Variants in TRPM1 observed in about 807,000 individuals in gnomAD.
TRPM1 encodes transient receptor potential cation channel subfamily M member 1, also known as TRPM1-203 APA Isoform, Intron 10.
A neutral mutation model predicts 149.4 loss-of-function variants in TRPM1; 113 were observed. The observed-to-expected ratio is 0.76, with a 90% confidence interval of 0.65 to 0.88. The LOEUF (loss-of-function observed/expected upper bound fraction) is 0.88. TRPM1 is among the 40% of genes least tolerant of loss of function. The probability of loss-of-function intolerance (pLI) is 0.00; values close to 1 mark genes in which losing one functional copy is unlikely to be tolerated. For synonymous variants in TRPM1, 741 were observed against 759.5 expected, an observed-to-expected ratio of 0.98 and a Z score of 0.40; for missense variants, 1,976 against 2,038.7, an observed-to-expected ratio of 0.97 and a Z score of 0.59.
chr15:31,019,424 G>A (rs938509367), intron 27 of TRPM1, among the ~76,000 whole-genome samples: 1 of 152,136 alleles, frequency 6.6e-6, no homozygotes, highest in African/African-American at 2.4e-5. Context: ...GTTTTTGAGA[G>A]GGAGTCTCTG....
chr15:31,069,819 A>G (rs2140966466), intron 4 of TRPM1: 3 of 1,505,644 alleles, frequency 2.0e-6, no homozygotes, highest in Non-Finnish European at 2.6e-6. Flanking sequence ...GATTTACGGG[A>G]CACTAGATGT....
chr15:31,157,954 G>A (rs760967948), intron 1 of TRPM1, among the ~76,000 whole-genome samples: 1 of 152,072 alleles, frequency 6.6e-6, no homozygotes, highest in African/African-American at 2.4e-5. Context: ...TTAGGAAACC[G>A]GGAACCGACA....
intron 1 of TRPM1, 112 bp from the exon 2 acceptor site, chr15:31,081,550 C>T (rs1421718155): frequency 2.9e-6 from 2 of 692,640 alleles, no homozygotes; most frequent in Non-Finnish European, 4.8e-6. Flanking sequence ...TCTAATGTGG[C>T]CTCTTCACCA....
At chr15:31,082,978 G>A (rs973462353) in intron 1 of TRPM1, among the ~76,000 whole-genome samples, 1 of 152,040 alleles carries the variant, frequency 6.6e-6, no homozygotes, top group African/African-American at 2.4e-5. Context: ...CACAGGTGGG[G>A]GCGACCCACA....
intron 3 of TRPM1, 116 bp downstream of exon 3, chr15:31,076,789 T>G: frequency 1.2e-6 from 1 of 822,370 alleles, no homozygotes; most frequent in South Asian, 1.4e-5. Flanking sequence ...GTGACTCCCA[T>G]GGGGAATGGA....
At chr15:31,125,319 T>C (rs2035933526) in intron 1 of TRPM1, among the ~76,000 whole-genome samples, 1 of 152,220 alleles carries the variant, frequency 6.6e-6, no homozygotes, top group East Asian at 1.9e-4. Context: ...CCGTGCAAGA[T>C]GTTGCTAACT....
chr15:31,021,994 T>C (rs2032566636), intron 27 of TRPM1, among the ~76,000 whole-genome samples: 1 of 152,162 alleles, frequency 6.6e-6, no homozygotes, highest in Non-Finnish European at 1.5e-5. Context: ...CAAAATCCTA[T>C]AGTAATATAT....
At chr15:31,033,033 A>T in intron 21 of TRPM1, 93 bp from the exon 22 acceptor site, 1 of 1,561,430 alleles carries the variant, frequency 6.4e-7, no homozygotes, top group Non-Finnish European at 8.8e-7. Context: ...GGAACATTCC[A>T]GGTCATCTGG....
At chr15:31,122,539 T>C (rs2035894445) in intron 1 of TRPM1, among the ~76,000 whole-genome samples, 2 of 152,140 alleles carry the variant, frequency 1.3e-5, no homozygotes, top group African/African-American at 4.8e-5. Flanking sequence ...ATATATCAGA[T>C]ATGAACAACT....
At chr15:31,091,594 G>C (rs1297499578) in intron 1 of TRPM1, among the ~76,000 whole-genome samples, 1 of 152,270 alleles carries the variant, frequency 6.6e-6, no homozygotes, top group East Asian at 1.9e-4. Flanking sequence ...CTGGGAGGCT[G>C]ACCGGGTGGG....
At chr15:31,024,596 G>T (rs548437154) in intron 27 of TRPM1, among the ~76,000 whole-genome samples, 31 of 152,276 alleles carry the variant, frequency 2.0e-4, no homozygotes, top group Admixed American at 3.3e-4. Context: ...CAATTTGGTA[G>T]TGACCTGATA....
chr15:31,071,235 A>G (rs2034527993), intron 3 of TRPM1, among the ~76,000 whole-genome samples: 1 of 152,196 alleles, frequency 6.6e-6, no homozygotes, highest in Non-Finnish European at 1.5e-5. Context: ...GCCTGGAGTG[A>G]TGCCTTGGTG....
chr15:31,080,848 A>G (rs2034839359), intron 2 of TRPM1, among the ~76,000 whole-genome samples: 1 of 151,790 alleles, frequency 6.6e-6, no homozygotes, highest in Admixed American at 6.6e-5. Context: ...CTGTGCCAGC[A>G]CAGCGTGGGG....
intron 1 of TRPM1, among the ~76,000 whole-genome samples, chr15:31,153,241 G>A (rs1158464574): frequency 6.6e-6 from 1 of 152,154 alleles, no homozygotes; most frequent in Non-Finnish European, 1.5e-5. Context: ...TCTCTCTGAA[G>A]CTGTCCACCT....
intron 1 of TRPM1, among the ~76,000 whole-genome samples, chr15:31,089,595 G>C (rs1210976731): frequency 6.6e-6 from 1 of 152,198 alleles, no homozygotes; most frequent in Non-Finnish European, 1.5e-5. Context: ...AACTCGAGGA[G>C]GCCCAGGGTC....
rs2031840003 is a variant in TRPM1 at position 31,002,865 on chromosome 15, ACG to A, written c.3833_3834del (p.Thr1278IlefsTer10). On this transcript the variant is annotated frameshift_variant, in exon 28 of 28. Transcript: ENST00000256552. LOFTEE classifies it low-confidence loss of function (END_TRUNC). ...RSRASSECEA[T>X]YLLRQSSINS... The stretch of plus-strand genomic sequence containing the variant: ...TTGATGCTGCTTTGCCGGAGAAGAT[ACG>A]TTGCCTCACATTCAGAAGAAGCCCG... The A allele has an allele frequency of 6.2e-7, 1 of 1,614,218 alleles. No homozygotes were observed. Among genetic ancestry groups the A allele is most frequent in the South Asian group, 1.1e-5 (1 of 91,088 alleles).
At chr15:31,085,424 A>C (rs1382042578) in intron 1 of TRPM1, among the ~76,000 whole-genome samples, 4 of 152,268 alleles carry the variant, frequency 2.6e-5, no homozygotes, top group Non-Finnish European at 5.9e-5. Context: ...AATTAAGAGC[A>C]ATAAAAAGAT....
chr15:31,033,018 C>T, intron 21 of TRPM1, 78 bp from the exon 22 acceptor site: 1 of 1,593,438 alleles, frequency 6.3e-7, no homozygotes, highest in Non-Finnish European at 8.6e-7. Flanking sequence ...AACAATAAGA[C>T]TGATGGAACA....
intron 1 of TRPM1, among the ~76,000 whole-genome samples, chr15:31,108,147 C>T (rs1166092252): frequency 2.5e-5 from 3 of 118,674 alleles, no homozygotes; most frequent in Admixed American, 1.6e-4. Context: ...CGTGAGCCAC[C>T]ACGCCTGTCC....
Sources: allele counts gnomAD v4.1 joint callset (sites outside exome capture counted in the v4.1 genomes callset), GRCh38; gene constraint gnomAD v4.1.1; transcripts MANE v1.5; gene names NCBI Gene and HGNC (gene_info 2026-07-23, HGNC 2026-07-21).